Variants in CHODL observed in about 807,000 individuals in gnomAD.
The protein encoded by CHODL is chondrolectin.
A neutral mutation model predicts 34.5 loss-of-function variants in CHODL; 29 were observed. The observed-to-expected ratio is 0.84, with a 90% CI of 0.63 to 1.15. CHODL has a LOEUF of 1.15. CHODL is among the 50% of genes most tolerant of loss of function. CHODL has a pLI of 0.00. For missense variants in CHODL, 332 were observed against 332.5 expected, an observed-to-expected ratio of 1.00 and a Z score of 0.01; for synonymous variants, 125 against 116.1, an observed-to-expected ratio of 1.08 and a Z score of -0.49.
intron 1 of CHODL, among the ~76,000 whole-genome samples, chr21:17,946,290 G>C (rs2063408274): frequency 1.3e-5 from 2 of 152,118 alleles, no homozygotes; most frequent in South Asian, 4.1e-4. Context: ...GTGGTGGCGG[G>C]TGCCTGTGGT....
At chr21:18,110,909 T>G (rs1341357698) in intron 2 of CHODL, among the ~76,000 whole-genome samples, 4 of 152,172 alleles carry the variant, frequency 2.6e-5, no homozygotes, top group Non-Finnish European at 5.9e-5. Flanking sequence ...TGTTAGGGTT[T>G]ATTCTTCCAA....
chr21:17,930,382 G>A (rs1313492663), intron 1 of CHODL, among the ~76,000 whole-genome samples: 1 of 150,122 alleles, frequency 6.7e-6, no homozygotes, highest in Non-Finnish European at 1.5e-5. Flanking sequence ...ACCAGCACCT[G>A]CATGTGCCAC....
intron 2 of CHODL, among the ~76,000 whole-genome samples, chr21:18,175,718 C>T (rs184673534): frequency 2.7e-5 from 4 of 149,942 alleles, no homozygotes; most frequent in African/African-American, 4.8e-5. Context: ...AACAAGCAAA[C>T]GGTACTGAGA....
intron 1 of CHODL, among the ~76,000 whole-genome samples, chr21:18,008,118 TG>T (rs1568841821): frequency 2.0e-5 from 3 of 152,122 alleles, no homozygotes; most frequent in Non-Finnish European, 4.4e-5. Context: ...TTTTTTACTG[TG>T]GTGAATTTAT....
chr21:17,982,306 T>A (rs965424168), intron 1 of CHODL, among the ~76,000 whole-genome samples: 1 of 152,220 alleles, frequency 6.6e-6, no homozygotes, highest in African/African-American at 2.4e-5. Flanking sequence ...GATCTTTGAC[T>A]AAGTTTTACT....
chr21:18,195,236 A>G (rs1265926650), intron 2 of CHODL, among the ~76,000 whole-genome samples: 3 of 151,862 alleles, frequency 2.0e-5, no homozygotes, highest in East Asian at 1.9e-4. Flanking sequence ...TTGTATTTTT[A>G]GTAGAGATGG....
chr21:18,148,950 A>C (rs970728025), intron 2 of CHODL, among the ~76,000 whole-genome samples: 1 of 151,218 alleles, frequency 6.6e-6, no homozygotes, highest in African/African-American at 2.4e-5. Flanking sequence ...TGGGATAAAG[A>C]TACCAGTTTG....
intron 2 of CHODL, among the ~76,000 whole-genome samples, chr21:18,071,443 C>T (rs139755602): frequency 1.3e-5 from 2 of 152,086 alleles, no homozygotes; most frequent in Non-Finnish European, 2.9e-5. Context: ...CCGCACCCGG[C>T]CAGCTACAGC....
chr21:18,030,946 A>G (rs1355859109), intron 2 of CHODL, among the ~76,000 whole-genome samples: 1 of 152,166 alleles, frequency 6.6e-6, no homozygotes, highest in East Asian at 1.9e-4. Flanking sequence ...GTAAGTTTCT[A>G]GATTTTCAGC....
At chr21:18,154,539 C>G (rs1364907350) in intron 2 of CHODL, among the ~76,000 whole-genome samples, 2 of 152,052 alleles carry the variant, frequency 1.3e-5, no homozygotes, top group Non-Finnish European at 2.9e-5. Flanking sequence ...TCAAAAGCCC[C>G]CAGATACAGA....
chr21:18,263,794 C>T (rs1300866303), intron 5 of CHODL, among the ~76,000 whole-genome samples: 11 of 152,112 alleles, frequency 7.2e-5, no homozygotes, highest in African/African-American at 2.7e-4. Flanking sequence ...ACTTCATCTT[C>T]TTCTTTTTCT....
At chr21:18,148,621 A>G (rs1167804396) in intron 2 of CHODL, among the ~76,000 whole-genome samples, 1 of 152,186 alleles carries the variant, frequency 6.6e-6, no homozygotes, top group East Asian at 1.9e-4. Context: ...TCAAATATTC[A>G]TATTTATGAA....
intron 2 of CHODL, among the ~76,000 whole-genome samples, chr21:18,095,034 G>A (rs923550508): frequency 4.7e-4 from 72 of 151,872 alleles, no homozygotes; most frequent in African/African-American, 1.7e-3. Flanking sequence ...TGAGGCAGGA[G>A]AATCACTTGA....
chr21:18,067,240 A>G (rs919049845), intron 2 of CHODL, among the ~76,000 whole-genome samples: 2 of 152,202 alleles, frequency 1.3e-5, no homozygotes, highest in African/African-American at 4.8e-5. Flanking sequence ...TGTTCCTCCA[A>G]AAAGGTATGT....
At chr21:18,238,480 CA>C (rs780280849) in intron 2 of CHODL, among the ~76,000 whole-genome samples, 24 of 152,086 alleles carry the variant, frequency 1.6e-4, no homozygotes, top group Non-Finnish European at 2.9e-4. Context: ...AAAGTGCTCC[CA>C]TGATTCAAGT....
intron 2 of CHODL, among the ~76,000 whole-genome samples, chr21:18,224,688 T>G (rs2073915544): frequency 6.6e-6 from 1 of 152,202 alleles, no homozygotes; most frequent in Non-Finnish European, 1.5e-5. Flanking sequence ...TATATTCCAT[T>G]GTTGAAAATT....
chr21:18,065,555 G>A (rs1273198694), intron 2 of CHODL, among the ~76,000 whole-genome samples: 1 of 152,130 alleles, frequency 6.6e-6, no homozygotes, highest in East Asian at 1.9e-4. Flanking sequence ...AGAAGGGAAG[G>A]ATTTTACCCA....
chr21:18,055,545 C>G (rs1383650573), intron 2 of CHODL, among the ~76,000 whole-genome samples: 1 of 152,028 alleles, frequency 6.6e-6, no homozygotes, highest in East Asian at 1.9e-4. Context: ...ACAGCAACCT[C>G]TCTTTGGAAA....
chr21:18,208,929 C>T (rs1323678879), intron 2 of CHODL, among the ~76,000 whole-genome samples: 2 of 147,158 alleles, frequency 1.4e-5, no homozygotes, highest in Non-Finnish European at 3.0e-5. Flanking sequence ...ACACTAGCAG[C>T]TCTGTGGCCT....
Sources: gnomAD v4.1 joint callset for allele counts (sites outside exome capture counted in the v4.1 genomes callset) on GRCh38, gnomAD v4.1.1 for gene constraint, MANE v1.5 for transcripts, NCBI Gene and HGNC (gene_info 2026-07-23, HGNC 2026-07-21) for gene names.